WNT9A: variants seen among roughly 807,000 people sequenced by gnomAD.
WNT9A encodes protein Wnt-9a.
In WNT9A, 8 loss-of-function variants were observed where a neutral mutation model predicts 31.4. The ratio of observed to expected loss-of-function variants is 0.26; its 90% CI spans 0.15 to 0.46. The LOEUF (loss-of-function observed/expected upper bound fraction) is 0.46, where lower values mean the gene tolerates loss of function less well. WNT9A is among the 20% of genes least tolerant of loss of function. The pLI, the probability that WNT9A is intolerant of heterozygous loss-of-function variation, is 0.99. For synonymous variants in WNT9A, 236 were observed against 220.1 expected (o/e 1.07, Z -0.64); for missense variants, 457 against 522.9 (o/e 0.87, Z 1.23).
rs149283269 is a variant in WNT9A at position 227,938,294 on chromosome 1, C to T, written c.95+9499G>A. ...ACAAACCCATAAACCCATACACACA[C>T]GCATACACACACACATATACCCATA... is the stretch of plus-strand genomic sequence containing the variant. On this transcript the variant is annotated intron_variant, in intron 1 of 3. Coordinates refer to ENST00000272164, the MANE Select transcript of WNT9A (RefSeq NM_003395.4). 1.3e-4 allele frequency among the ~76,000 whole-genome samples: 19 copies of T among 150,246 alleles called. No homozygotes were observed. The Middle Eastern group carries it at 0.01, about 81-fold the overall frequency.
rs988419173 is a variant in WNT9A at position 227,919,118 on chromosome 1, G to A, written c.*2400C>T. 6.6e-6 allele frequency: 1 copy of A among 152,236 alleles called. No homozygotes were observed. The highest frequency in any genetic ancestry group is 2.4e-5 in the African/African-American group (1 of 41,458). 9.4% of individuals were successfully genotyped at this position (152,236 alleles called of 1,614,324 possible). A position where few individuals can be genotyped will look rare whatever the true frequency, so the allele number is the denominator to read the frequency against. On this transcript the variant is annotated 3_prime_UTR_variant, in exon 4 of 4. Transcript: ENST00000272164. ...GTTTTCTGAATATTTATGACATAGAGCTAAATGTGGTATTTGATTAAAAAT... is the reference window on the plus strand; with the variant it reads ...GTTTTCTGAATATTTATGACATAGAACTAAATGTGGTATTTGATTAAAAAT...
Position 227,925,513 on chromosome 1 carries a change from C to T in WNT9A, c.102G>A (p.Thr34=), listed in dbSNP as rs778625014. ...LRPSAAYFGL[T]GSEPLTILPL... is the part of the protein sequence containing the mutation. Reference sequence around the variant, plus strand: ...GGAGGATGGTCAGGGGCTCGCTGCCCGTCAGCCTGGGCACAGAGAGGCCAG... The same window carrying T: ...GGAGGATGGTCAGGGGCTCGCTGCCTGTCAGCCTGGGCACAGAGAGGCCAG... Residue 34 remains threonine (T), a synonymous_variant, in exon 2 of 4, where the codon ACG becomes ACA. Coordinates refer to ENST00000272164, the MANE Select transcript of WNT9A (RefSeq NM_003395.4). This position sits in a 1 kb window ranked among gnomAD's most constrained non-coding sequence, Gnocchi z 6.0. 1.3e-5 allele frequency: 20 copies of T among 1,543,122 alleles called. No individual in the cohort carries two copies. Among genetic ancestry groups the T allele is most frequent in the Admixed American group, 1.1e-4 (6 of 53,702 alleles).
intron 1 of WNT9A, among the ~76,000 whole-genome samples, chr1:227,938,083 C>T (rs999502091): frequency 2.0e-5 from 3 of 152,170 alleles, no homozygotes; most frequent in African/African-American, 7.2e-5. Context: ...GCACCCTCAT[C>T]CCATGAGACC....
rs532335246 is a variant in WNT9A at position 227,943,319 on chromosome 1, G to A, written c.95+4474C>T. On this transcript the variant is annotated intron_variant, in intron 1 of 3. Transcript: ENST00000272164. ...TGTGCAGGGGTAAGAGCGCCCACAG[G>A]CTCACAGGTCTAGAGACAAGGTTCT... Among the ~76,000 whole-genome samples, 3 of 152,326 alleles carry A rather than the reference G, an allele frequency of 2.0e-5. No homozygotes were observed. The East Asian group carries it at 5.8e-4, about 29-fold the overall frequency.
intron 1 of WNT9A, among the ~76,000 whole-genome samples, chr1:227,937,755 C>T (rs1458369516): frequency 6.6e-6 from 1 of 152,288 alleles, no homozygotes; most frequent in African/African-American, 2.4e-5. Flanking sequence ...TGATTTCAGA[C>T]TTCTGGCCTT....
At chr1:227,934,964 C>T (rs1201405404) in intron 1 of WNT9A, among the ~76,000 whole-genome samples, 2 of 150,790 alleles carry the variant, frequency 1.3e-5, no homozygotes, top group African/African-American at 2.4e-5. Context: ...AGTCACAGCC[C>T]CAGTTCACCA....
chr1:227,933,890 GCTTT>G (rs1446080079), intron 1 of WNT9A, among the ~76,000 whole-genome samples: 7 of 152,154 alleles, frequency 4.6e-5, no homozygotes, highest in African/African-American at 1.7e-4. Context: ...GCCCTGATCC[GCTTT>G]CTGTCTTGAT....
At chr1:227,923,334 A>C (rs1666357914) in intron 3 of WNT9A, among the ~76,000 whole-genome samples, 1 of 152,144 alleles carries the variant, frequency 6.6e-6, no homozygotes, top group South Asian at 2.1e-4. Context: ...CTCAGCTTCC[A>C]ATAGAGGTGT....
chr1:227,947,893 C>T lies in WNT9A; in HGVS notation c.-6G>A. The T allele has an allele frequency of 9.4e-7, 1 of 1,066,510 alleles. No individual in the cohort carries two copies. The highest frequency in any genetic ancestry group is 1.1e-6 in the Non-Finnish European group (1 of 883,484). 66.1% of individuals were successfully genotyped at this position (1,066,510 alleles called of 1,614,324 possible). ...AGCGGGGACCCATCCAGCATCTTGC[C>T]GCGCCTCGGCGGCCGACCATCGCGC... is the stretch of plus-strand genomic sequence containing the variant. On this transcript the variant is annotated 5_prime_UTR_variant, in exon 1 of 4. Transcript: ENST00000272164.
chr1:227,938,300 C>T lies in WNT9A; in HGVS notation c.95+9493G>A, dbSNP rs548026860. ...CCATAAACCCATACACACACGCATA[C>T]ACACACACATATACCCATACATACA... On this transcript the variant is annotated intron_variant, in intron 1 of 3. Coordinates refer to ENST00000272164, the MANE Select transcript of WNT9A (RefSeq NM_003395.4). Among the ~76,000 whole-genome samples the T allele has an allele frequency of 4.0e-5, 6 of 151,254 alleles. No individual in the cohort carries two copies. In the South Asian group the frequency reaches 1.3e-3, roughly 32 times the overall value.
chr1:227,922,084 G>T, intron 3 of WNT9A, 84 bp from the exon 4 acceptor site: 1 of 1,510,226 alleles, frequency 6.6e-7, no homozygotes, highest in East Asian at 2.3e-5. Context: ...GACCCCCAGA[G>T]GGACCCCACA....
chr1:227,944,444 G>C (rs1666764100), intron 1 of WNT9A, among the ~76,000 whole-genome samples: 1 of 152,210 alleles, frequency 6.6e-6, no homozygotes, highest in South Asian at 2.1e-4. Flanking sequence ...AGTGGTGAGA[G>C]CTGCATGGCC....
At chr1:227,923,368 G>A (rs1311097678) in intron 3 of WNT9A, among the ~76,000 whole-genome samples, 1 of 152,128 alleles carries the variant, frequency 6.6e-6, no homozygotes, top group Non-Finnish European at 1.5e-5. Flanking sequence ...CCCTGTTCAG[G>A]AACTGCAGAG....
chr1:227,946,106 G>A (rs1666788772), intron 1 of WNT9A, among the ~76,000 whole-genome samples: 1 of 152,070 alleles, frequency 6.6e-6, no homozygotes, highest in Non-Finnish European at 1.5e-5. Context: ...GCAGGGCCAA[G>A]GGGGCCTGGC....
At position 227,926,139 on chromosome 1, in the gene WNT9A, C is replaced by T. The variant is rs1666417889; in HGVS notation, c.96-620G>A. Among the ~76,000 whole-genome samples, 1 of 152,102 alleles carries T rather than the reference C, an allele frequency of 6.6e-6. No individual in the cohort carries two copies. Among genetic ancestry groups the T allele is most frequent in the Non-Finnish European group, 1.5e-5 (1 of 67,990 alleles). On this transcript the variant is annotated intron_variant, in intron 1 of 3. Coordinates refer to ENST00000272164, the MANE Select transcript of WNT9A (RefSeq NM_003395.4). The surrounding 1 kb of genome is among the most constrained non-coding windows in gnomAD (Gnocchi z 5.0). ...GCACTGGGAAGCAGCTCTTGGTTCT[C>T]TGACACTCTACCCCTCTCACCTCAC...
intron 1 of WNT9A, among the ~76,000 whole-genome samples, chr1:227,930,340 A>G (rs947047560): frequency 2.0e-5 from 3 of 152,162 alleles, no homozygotes; most frequent in African/African-American, 7.2e-5. Context: ...GCTGCACCGG[A>G]CCAAGCAAAG....
intron 1 of WNT9A, among the ~76,000 whole-genome samples, chr1:227,938,551 A>C (rs1310045687): frequency 6.6e-6 from 1 of 152,002 alleles, no homozygotes; most frequent in East Asian, 2.0e-4. Context: ...ATGAACCCGT[A>C]AACCGATAGA....
intron 1 of WNT9A, among the ~76,000 whole-genome samples, chr1:227,932,659 T>C (rs879356261): frequency 2.6e-5 from 4 of 152,216 alleles, no homozygotes; most frequent in Non-Finnish European, 5.9e-5. Flanking sequence ...ACTTGAAAGT[T>C]GAAATGACTC....
At chr1:227,937,482 G>C (rs1292975574) in intron 1 of WNT9A, among the ~76,000 whole-genome samples, 1 of 152,276 alleles carries the variant, frequency 6.6e-6, no homozygotes, top group Admixed American at 6.5e-5. Context: ...AAGAGGCATT[G>C]CAGAAGTAAC....
Sources: gnomAD v4.1 joint callset for allele counts (sites outside exome capture counted in the v4.1 genomes callset) on GRCh38, gnomAD v4.1.1 for gene constraint, Gnocchi (gnomAD v3.1) non-coding constraint, MANE v1.5 for transcripts, NCBI Gene and HGNC (gene_info 2026-07-23, HGNC 2026-07-21) for gene names.